KCNK1: variants seen among roughly 807,000 people sequenced by gnomAD.
KCNK1 encodes potassium channel subfamily K member 1.
In KCNK1, 10 loss-of-function variants were observed where a neutral mutation model predicts 22.2. That is an observed-to-expected ratio of 0.45 (90% CI 0.28 to 0.76). The LOEUF (loss-of-function observed/expected upper bound fraction) is 0.76. Ranked by LOEUF, KCNK1 falls within the 30% of genes least tolerant of loss-of-function variation. KCNK1 has a pLI of 0.14. For synonymous variants in KCNK1, 200 were observed against 186.4 expected (o/e 1.07, Z -0.60); for missense variants, 378 against 421.0 (o/e 0.90, Z 0.89).
intron 1 of KCNK1, among the ~76,000 whole-genome samples, chr1:233,665,698 C>A (rs1247170086): frequency 6.6e-6 from 1 of 152,230 alleles, no homozygotes; most frequent in African/African-American, 2.4e-5. Flanking sequence ...CAGAGCCTTC[C>A]CGGCAAATGC....
chr1:233,668,691 C>A (rs1380004900), intron 2 of KCNK1, among the ~76,000 whole-genome samples: 2 of 152,120 alleles, frequency 1.3e-5, no homozygotes. Flanking sequence ...CTGCAACCTC[C>A]ACCTCCCGGG....
At chr1:233,651,746 A>G (rs1375194585) in intron 1 of KCNK1, among the ~76,000 whole-genome samples, 2 of 152,216 alleles carry the variant, frequency 1.3e-5, no homozygotes, top group Non-Finnish European at 2.9e-5. Flanking sequence ...GGACGTGTGC[A>G]GTGTGCTGAC....
chr1:233,621,488 C>G (rs1657585331), intron 1 of KCNK1, among the ~76,000 whole-genome samples: 2 of 152,168 alleles, frequency 1.3e-5, no homozygotes. Flanking sequence ...TTGCAACGAA[C>G]AATTTTATAT....
chr1:233,660,686 G>T lies in KCNK1; in HGVS notation c.356-5909G>T, dbSNP rs1658374648. ...CTGTGTGTGAGTTGCACGGTCCTTT[G>T]TTCATTACTAAACGTTGTTTTTGCG... On this transcript the variant is annotated intron_variant, in intron 1 of 2. Coordinates refer to ENST00000366621, the MANE Select transcript of KCNK1 (RefSeq NM_002245.4). The T allele has an allele frequency of 2.0e-5, 3 of 152,180 alleles. No individual in the cohort carries two copies. In the South Asian group the frequency reaches 6.2e-4, roughly 32 times the overall value. The allele number at this position is 152,180 out of a possible 1,614,324, so 9.4% of individuals were successfully genotyped here.
chr1:233,646,696 A>G (rs1326229781), intron 1 of KCNK1, among the ~76,000 whole-genome samples: 1 of 152,170 alleles, frequency 6.6e-6, no homozygotes, highest in African/African-American at 2.4e-5. Flanking sequence ...CGGGAAACAG[A>G]CAGAAATTCT....
chr1:233,659,190 G>GTT (rs890147983), intron 1 of KCNK1, among the ~76,000 whole-genome samples: 8 of 149,410 alleles, frequency 5.4e-5, no homozygotes, highest in African/African-American at 2.0e-4. Context: ...AAATTTTTCA[G>GTT]TTTTTTTTTA....
intron 2 of KCNK1, among the ~76,000 whole-genome samples, chr1:233,667,685 G>C (rs879835140): frequency 6.2e-4 from 84 of 134,626 alleles, no homozygotes; most frequent in Non-Finnish European, 9.6e-4. Flanking sequence ...AGCCGAGATC[G>C]CGCCACTGCA....
At chr1:233,635,927 G>T (rs533240246) in intron 1 of KCNK1, among the ~76,000 whole-genome samples, 1 of 152,338 alleles carries the variant, frequency 6.6e-6, no homozygotes, top group East Asian at 1.9e-4. Context: ...TATATACAGT[G>T]ACTTGGGTAG....
intron 2 of KCNK1, among the ~76,000 whole-genome samples, chr1:233,670,978 A>G (rs147518205): frequency 6.6e-6 from 1 of 152,310 alleles, no homozygotes; most frequent in East Asian, 1.9e-4. Context: ...TGTGTCTTTA[A>G]TAATGCCACA....
chr1:233,669,465 A>G (rs1250052561), intron 2 of KCNK1, among the ~76,000 whole-genome samples: 1 of 152,198 alleles, frequency 6.6e-6, no homozygotes, highest in African/African-American at 2.4e-5. Context: ...TATTCCAAAG[A>G]TATATTAGAT....
At chr1:233,645,058 G>T (rs1658068780) in intron 1 of KCNK1, among the ~76,000 whole-genome samples, 1 of 150,936 alleles carries the variant, frequency 6.6e-6, no homozygotes, top group South Asian at 2.1e-4. Context: ...GCTGGGTGTG[G>T]TGGCGGGCGC....
chr1:233,645,556 C>T (rs1285415673), intron 1 of KCNK1, among the ~76,000 whole-genome samples: 1 of 152,236 alleles, frequency 6.6e-6, no homozygotes, highest in African/African-American at 2.4e-5. Flanking sequence ...GCAAGAAAGC[C>T]TTTTCCCCTA....
chr1:233,651,365 G>T (rs1179937441), intron 1 of KCNK1, among the ~76,000 whole-genome samples: 1 of 152,190 alleles, frequency 6.6e-6, no homozygotes, highest in Non-Finnish European at 1.5e-5. Flanking sequence ...ATGGCTGCAG[G>T]ATAATTATGT....
At chr1:233,657,628 A>C (rs1281261169) in intron 1 of KCNK1, among the ~76,000 whole-genome samples, 1 of 151,482 alleles carries the variant, frequency 6.6e-6, no homozygotes, top group Non-Finnish European at 1.5e-5. Context: ...AAAAAGAAAG[A>C]AAAGAAAAGA....
At chr1:233,659,714 A>C (rs775099232) in intron 1 of KCNK1, among the ~76,000 whole-genome samples, 4 of 151,930 alleles carry the variant, frequency 2.6e-5, no homozygotes, top group Non-Finnish European at 4.4e-5. Context: ...AGGGGATGGG[A>C]GTTTTTCAGG....
At chr1:233,653,678 T>C (rs181434292) in intron 1 of KCNK1, among the ~76,000 whole-genome samples, 1 of 152,262 alleles carries the variant, frequency 6.6e-6, no homozygotes, top group East Asian at 1.9e-4. Flanking sequence ...GTTATGTCAT[T>C]GGCCTCCATG....
Position 233,664,006 on chromosome 1 carries a change from A to G in KCNK1, c.356-2589A>G, listed in dbSNP as rs190658166. Among the ~76,000 whole-genome samples, 491 of 151,904 alleles carry G rather than the reference A, an allele frequency of 3.2e-3. 3 individuals are homozygous for G. Among genetic ancestry groups the G allele is most frequent in the Non-Finnish European group, 5.1e-3 (347 of 67,936 alleles). On this transcript the variant is annotated intron_variant, in intron 1 of 2. Coordinates refer to ENST00000366621, the MANE Select transcript of KCNK1 (RefSeq NM_002245.4). ...GCTACCATGCCCGGCTAATTTTTGT[A>G]TTTTTAGTAGAGATGGGGTTTCACC... is the stretch of plus-strand genomic sequence containing the variant.
At chr1:233,660,236 C>T (rs1658368281) in intron 1 of KCNK1, among the ~76,000 whole-genome samples, 1 of 152,064 alleles carries the variant, frequency 6.6e-6, no homozygotes, top group Non-Finnish European at 1.5e-5. Flanking sequence ...ATAACTCATT[C>T]TTTGGGCTGT....
At chr1:233,643,221 C>T (rs927732473) in intron 1 of KCNK1, among the ~76,000 whole-genome samples, 1 of 152,050 alleles carries the variant, frequency 6.6e-6, no homozygotes, top group Non-Finnish European at 1.5e-5. Context: ...GGCACATCCA[C>T]AGTGGTTAGG....
Sources: gnomAD v4.1 joint callset for allele counts (sites outside exome capture counted in the v4.1 genomes callset) on GRCh38, gnomAD v4.1.1 for gene constraint, MANE v1.5 for transcripts, NCBI Gene and HGNC (gene_info 2026-07-23, HGNC 2026-07-21) for gene names.